The following CEP89 variants were observed in gnomAD, a reference collection of about 807,000 sequenced individuals.
CEP89 encodes the protein centrosomal protein of 89 kDa.
Under a neutral mutation model 97.6 loss-of-function variants are expected in CEP89, and 95 were observed. The observed-to-expected ratio is 0.97, with a 90% CI of 0.82 to 1.15. The LOEUF is 1.15. Among genes scored for constraint, CEP89 ranks in the 50% most tolerant of loss-of-function variants. The probability of loss-of-function intolerance (pLI) is 0.00; values close to 1 mark genes in which losing one functional copy is unlikely to be tolerated. For synonymous variants in CEP89, 354 were observed against 349.1 expected (o/e 1.01, Z -0.16); for missense variants, 869 against 947.7 (o/e 0.92, Z 1.09).
intron 14 of CEP89, among the ~76,000 whole-genome samples, chr19:32,910,474 C>A (rs968794800): frequency 6.6e-6 from 1 of 152,202 alleles, no homozygotes; most frequent in East Asian, 1.9e-4. Context: ...AAATACTGTA[C>A]AATTAGGCTA....
chr19:32,946,723 T>C (rs927348056), intron 5 of CEP89, among the ~76,000 whole-genome samples: 15 of 152,178 alleles, frequency 9.9e-5, no homozygotes, highest in Admixed American at 3.9e-4. Context: ...GATGGTTTTA[T>C]AAGGGGAAAC....
At chr19:32,906,092 C>T (rs1969882479) in intron 14 of CEP89, among the ~76,000 whole-genome samples, 1 of 152,118 alleles carries the variant, frequency 6.6e-6, no homozygotes, top group African/African-American at 2.4e-5. Flanking sequence ...TTTCTCTATC[C>T]TTATGCTTGG....
rs1970072821 is a variant in CEP89, at chr19:32,914,235, T to TCA, written c.1565+1101_1565+1102insTG. 1.3e-5 allele frequency among the ~76,000 whole-genome samples: 2 copies of TCA among 152,158 alleles called. 1 individual carries two copies. Among genetic ancestry groups the TCA allele is most frequent in the South Asian group, 4.1e-4 (2 of 4,824 alleles). ...CCATTTCAAGGATATATCCTTTCATTTAACTAATTCCTTATTACTGGATAT... is the reference window on the plus strand; with the variant it reads ...CCATTTCAAGGATATATCCTTTCATTCATAACTAATTCCTTATTACTGGATAT... On this transcript the variant is annotated intron_variant, in intron 14 of 18. Coordinates refer to ENST00000305768, the MANE Select transcript of CEP89 (RefSeq NM_032816.5).
intron 14 of CEP89, among the ~76,000 whole-genome samples, chr19:32,910,567 T>G (rs1056477565): frequency 2.6e-5 from 4 of 152,206 alleles, no homozygotes; most frequent in Non-Finnish European, 4.4e-5. Flanking sequence ...TATAAACTTT[T>G]TAATTTTTTA....
chr19:32,886,218 C>T (rs533727422), intron 17 of CEP89, among the ~76,000 whole-genome samples: 41 of 152,302 alleles, frequency 2.7e-4, no homozygotes, highest in African/African-American at 8.9e-4. Flanking sequence ...CAGCAGTTTC[C>T]GTCAGTAGGA....
chr19:32,939,014 A>G (rs576307633), intron 6 of CEP89, among the ~76,000 whole-genome samples: 8 of 152,138 alleles, frequency 5.3e-5, no homozygotes, highest in Non-Finnish European at 4.4e-5. Context: ...TGGGAGGCCA[A>G]GGCAGGAGGA....
chr19:32,901,602 G>A (rs1264145644), intron 14 of CEP89, among the ~76,000 whole-genome samples, 190 bp from the exon 15 acceptor site: 3 of 151,860 alleles, frequency 2.0e-5, no homozygotes, highest in Non-Finnish European at 4.4e-5. Context: ...CTAGACCACC[G>A]GAGAGAGGGT....
intron 9 of CEP89, among the ~76,000 whole-genome samples, chr19:32,929,476 C>T (rs1359030758): frequency 2.0e-5 from 3 of 152,092 alleles, no homozygotes; most frequent in African/African-American, 7.2e-5. Context: ...GTGGAACACG[C>T]CTGGAATCCC....
At chr19:32,966,954 T>C (rs936555706) in intron 1 of CEP89, among the ~76,000 whole-genome samples, 21 of 152,184 alleles carry the variant, frequency 1.4e-4, no homozygotes, top group African/African-American at 5.1e-4. Context: ...GCCACACGAG[T>C]AGACGGGACT....
chr19:32,963,109 A>G (rs890691483), intron 2 of CEP89, among the ~76,000 whole-genome samples: 1 of 152,156 alleles, frequency 6.6e-6, no homozygotes. Context: ...TAATCCCAGC[A>G]CTTTGGGAGG....
chr19:32,968,901 C>T (rs1441469798), intron 1 of CEP89: 1 of 152,204 alleles, frequency 6.6e-6, no homozygotes, highest in Admixed American at 6.5e-5. Context: ...ATGAGGTACA[C>T]AGACAAGTGA....
At chr19:32,937,794 C>T in intron 6 of CEP89, 121 bp from the exon 7 acceptor site, 2 of 741,728 alleles carry the variant, frequency 2.7e-6, no homozygotes, top group South Asian at 1.6e-5. Flanking sequence ...TTCATTTTGA[C>T]TCTTGTTCTT....
At chr19:32,905,136 A>T (rs1969861862) in intron 14 of CEP89, among the ~76,000 whole-genome samples, 1 of 152,220 alleles carries the variant, frequency 6.6e-6, no homozygotes, top group Non-Finnish European at 1.5e-5. Context: ...ATGTTGTCAG[A>T]AATGGTGTCA....
intron 3 of CEP89, among the ~76,000 whole-genome samples, chr19:32,957,668 G>A (rs1971076980): frequency 6.6e-6 from 1 of 152,018 alleles, no homozygotes; most frequent in Non-Finnish European, 1.5e-5. Context: ...AAATTAGCCA[G>A]GTGTAGTGGC....
rs187160603 is a variant in CEP89 at position 32,960,032 on chromosome 19, G to A, written c.173C>T (p.Ala58Val). Residue 58 changes from alanine to valine, a missense_variant, in exon 3 of 19, where the codon GCG becomes GTG. Ala to Val is a moderately conservative substitution (Grantham distance 64). Coordinates refer to ENST00000305768, the MANE Select transcript of CEP89 (RefSeq NM_032816.5). Reference sequence around the variant, plus strand: ...AACCGTCCGCCCAGTCAATGTTGTCGCCAGAATGGCTGCTGCCAGAGCAGA... The same window carrying A: ...AACCGTCCGCCCAGTCAATGTTGTCACCAGAATGGCTGCTGCCAGAGCAGA... ...PRSALAAAILATTLTGRTVAI... is the reference protein window; with the variant it reads ...PRSALAAAILVTTLTGRTVAI... 5.5e-5 allele frequency: 89 copies of A among 1,614,194 alleles called. No individual in the cohort carries two copies. The African/African-American group carries it at 8.7e-4, about 16-fold the overall frequency.
intron 16 of CEP89, among the ~76,000 whole-genome samples, chr19:32,893,434 T>A (rs1305339274): frequency 6.6e-6 from 1 of 152,150 alleles, no homozygotes; most frequent in Non-Finnish European, 1.5e-5. Flanking sequence ...ACAATAATAG[T>A]TGGGGACTTC....
At chr19:32,888,575 C>T (rs1969447484) in intron 16 of CEP89, among the ~76,000 whole-genome samples, 1 of 151,474 alleles carries the variant, frequency 6.6e-6, no homozygotes. Context: ...CTCAGCTACT[C>T]AAGAGGCTGA....
chr19:32,920,238 T>G (rs1242195964), intron 12 of CEP89, among the ~76,000 whole-genome samples: 1 of 151,936 alleles, frequency 6.6e-6, no homozygotes, highest in African/African-American at 2.4e-5. Context: ...TTTGTTTTTT[T>G]GAGACAAGGT....
At chr19:32,922,751 G>A (rs1970276301) in intron 12 of CEP89, among the ~76,000 whole-genome samples, 1 of 151,956 alleles carries the variant, frequency 6.6e-6, no homozygotes, top group Non-Finnish European at 1.5e-5. Context: ...AGGAGGCTGA[G>A]GCAGGAGAAT....
Sources: allele counts gnomAD v4.1 joint callset (sites outside exome capture counted in the v4.1 genomes callset), GRCh38; gene constraint gnomAD v4.1.1; transcripts MANE v1.5; gene names NCBI Gene and HGNC (gene_info 2026-07-23, HGNC 2026-07-21).